Variants in TRAF6 observed in about 807,000 individuals in gnomAD.
TRAF6 encodes the protein TNF receptor-associated factor 6.
TRAF6 carries 10 observed loss-of-function variants against 48.4 expected under a neutral mutation model. The observed-to-expected ratio is 0.21, with a 90% confidence interval of 0.13 to 0.35. TRAF6 has a LOEUF of 0.35. Ranked by LOEUF, TRAF6 falls within the 10% of genes least tolerant of loss-of-function variation. TRAF6 has a pLI of 1.00. For missense variants in TRAF6, 397 were observed against 661.0 expected (o/e 0.60, Z 4.38); for synonymous variants, 186 against 219.6 (o/e 0.85, Z 1.35).
rs150054993 is a variant in TRAF6, at chr11:36,489,520, C to G, written c.*318G>C. 178 of 290,786 alleles carry G rather than the reference C, an allele frequency of 6.1e-4. 1 individual carries two copies. Among genetic ancestry groups the G allele is most frequent in the African/African-American group, 3.7e-3 (171 of 46,290 alleles). The allele number at this position is 290,786 out of a possible 1,614,324, so 18.0% of individuals were successfully genotyped here. On this transcript the variant is annotated 3_prime_UTR_variant, in exon 7 of 7. Coordinates refer to ENST00000526995, the MANE Select transcript of TRAF6 (RefSeq NM_004620.4). ...TTTAGTACTCTTGAGTCTGGACTTTCTGACAATAAAATACACCAGAGCAAA... is the reference window on the plus strand; with the variant it reads ...TTTAGTACTCTTGAGTCTGGACTTTGTGACAATAAAATACACCAGAGCAAA...
chr11:36,504,390 T>C (rs1179782574), intron 1 of TRAF6, among the ~76,000 whole-genome samples: 1 of 152,158 alleles, frequency 6.6e-6, no homozygotes, highest in Admixed American at 6.5e-5. Context: ...TCACCAGGAG[T>C]TGATTCCATC....
At chr11:36,499,572 C>A (rs774082927) in intron 2 of TRAF6, among the ~76,000 whole-genome samples, 1 of 152,088 alleles carries the variant, frequency 6.6e-6, no homozygotes, top group Non-Finnish European at 1.5e-5. Flanking sequence ...GCACTTCAGC[C>A]TGGGAGACAG....
chr11:36,504,980 T>C (rs541732954), intron 1 of TRAF6, among the ~76,000 whole-genome samples: 4 of 152,322 alleles, frequency 2.6e-5, no homozygotes, highest in African/African-American at 4.8e-5. Flanking sequence ...GCTTAAAATA[T>C]TCAGTAAACT....
At chr11:36,495,432 G>A (rs113244520) in intron 4 of TRAF6, among the ~76,000 whole-genome samples, 296 of 152,284 alleles carry the variant, frequency 1.9e-3, no homozygotes, top group African/African-American at 6.9e-3. Flanking sequence ...TTTCTTGTCA[G>A]TAGAGTTAAA....
Position 36,486,143 on chromosome 11 carries a change from G to C in TRAF6, c.*3695C>G, listed in dbSNP as rs1319568191. The stretch of plus-strand genomic sequence containing the variant: ...CAACCTGTGCTTCCCGGGTTCAAGC[G>C]ATTCCCGTGCCTCAGCCTCCCAAGA... On this transcript the variant is annotated 3_prime_UTR_variant, in exon 7 of 7. Coordinates refer to ENST00000526995, the MANE Select transcript of TRAF6 (RefSeq NM_004620.4). Among the ~76,000 whole-genome samples the C allele has an allele frequency of 6.6e-6, 1 of 152,200 alleles. No homozygotes were observed. Among genetic ancestry groups the C allele is most frequent in the South Asian group, 2.1e-4 (1 of 4,820 alleles).
In TRAF6 at chr11:36,485,241, T is replaced by C. The variant is rs1365012786; in HGVS notation, c.*4597A>G. Among the ~76,000 whole-genome samples the C allele has an allele frequency of 6.6e-6, 1 of 152,146 alleles. No individual in the cohort carries two copies. The highest frequency in any genetic ancestry group is 2.4e-5 in the African/African-American group (1 of 41,392). On this transcript the variant is annotated 3_prime_UTR_variant, in exon 7 of 7. Coordinates refer to ENST00000526995, the MANE Select transcript of TRAF6 (RefSeq NM_004620.4). ...AAAAAGTAACATCTGCGCCTTACCA[T>C]CTAAAATTTACATGACAAGGTACCA...
intron 4 of TRAF6, among the ~76,000 whole-genome samples, chr11:36,496,872 A>G (rs1008239985): frequency 1.3e-5 from 2 of 152,210 alleles, no homozygotes; most frequent in Admixed American, 6.5e-5. Context: ...CATATCTACA[A>G]TAGTGATAAC....
rs1244598898 is a variant in TRAF6, at chr11:36,485,254, T to C, written c.*4584A>G. On this transcript the variant is annotated 3_prime_UTR_variant, in exon 7 of 7. Coordinates refer to ENST00000526995, the MANE Select transcript of TRAF6 (RefSeq NM_004620.4). ...TGCGCCTTACCATCTAAAATTTACA[T>C]GACAAGGTACCAGAAATTGGTCAGC... 6.6e-6 allele frequency among the ~76,000 whole-genome samples: 1 copy of C among 152,154 alleles called. No individual in the cohort carries two copies. Among genetic ancestry groups the C allele is most frequent in the Non-Finnish European group, 1.5e-5 (1 of 68,036 alleles).
chr11:36,509,244 T>C (rs748308890), intron 1 of TRAF6, among the ~76,000 whole-genome samples: 3 of 152,356 alleles, frequency 2.0e-5, no homozygotes, highest in East Asian at 1.9e-4. Flanking sequence ...TTAAATACCA[T>C]ACAGCGAAGC....
At chr11:36,508,945 T>C (rs1010529012) in intron 1 of TRAF6, among the ~76,000 whole-genome samples, 18 of 152,188 alleles carry the variant, frequency 1.2e-4, no homozygotes, top group Non-Finnish European at 1.5e-4. Flanking sequence ...AATTCTGAAA[T>C]ATTGTGGTGC....
chr11:36,493,565 A>T (rs1859590989), intron 5 of TRAF6, among the ~76,000 whole-genome samples: 1 of 152,242 alleles, frequency 6.6e-6, no homozygotes, highest in Non-Finnish European at 1.5e-5. Context: ...AGAGAGACAG[A>T]TCTAGCTGGC....
Position 36,484,348 on chromosome 11 carries a change from A to G in TRAF6, c.*5490T>C, listed in dbSNP as rs1466490095. 6.6e-6 allele frequency among the ~76,000 whole-genome samples: 1 copy of G among 152,202 alleles called. No individual in the cohort carries two copies. Among genetic ancestry groups the G allele is most frequent in the Admixed American group, 6.5e-5 (1 of 15,280 alleles). On this transcript the variant is annotated 3_prime_UTR_variant, in exon 7 of 7. Transcript: ENST00000526995. ...ATTCACTCCCTCTCATAAAGGATGCATTTTCAGAGTCCAGATGGATTAGGA... is the reference window on the plus strand; with the variant it reads ...ATTCACTCCCTCTCATAAAGGATGCGTTTTCAGAGTCCAGATGGATTAGGA...
rs2133659077 is a variant in TRAF6, at chr11:36,485,198, G to T, written c.*4640C>A. Among the ~76,000 whole-genome samples the T allele has an allele frequency of 6.6e-6, 1 of 152,216 alleles. No homozygotes were observed. The highest frequency in any genetic ancestry group is 2.1e-4 in the South Asian group (1 of 4,828). Reference sequence around the variant, plus strand: ...GCATGTTTGGGAAATTTCATCAAGTGCTGAAGAAAAAAAGCAAAAAAAGTA... The same window carrying T: ...GCATGTTTGGGAAATTTCATCAAGTTCTGAAGAAAAAAAGCAAAAAAAGTA... On this transcript the variant is annotated 3_prime_UTR_variant, in exon 7 of 7. Coordinates refer to ENST00000526995, the MANE Select transcript of TRAF6 (RefSeq NM_004620.4).
chr11:36,506,988 C>A (rs1859793846), intron 1 of TRAF6, among the ~76,000 whole-genome samples: 1 of 151,712 alleles, frequency 6.6e-6, no homozygotes, highest in African/African-American at 2.4e-5. Flanking sequence ...GTTTTAAGAA[C>A]TGCAATGACT....
chr11:36,506,428 T>A (rs1209781382), intron 1 of TRAF6, among the ~76,000 whole-genome samples: 1 of 152,202 alleles, frequency 6.6e-6, no homozygotes, highest in Non-Finnish European at 1.5e-5. Context: ...CCATTTTTTT[T>A]TTAAGTAAAA....
Position 36,490,760 on chromosome 11 carries a change from A to G in TRAF6, c.757-110T>C, listed in dbSNP as rs964164661. 1 of 920,622 alleles carries G rather than the reference A, an allele frequency of 1.1e-6. No homozygotes were observed. Among genetic ancestry groups the G allele is most frequent in the Non-Finnish European group, 1.6e-6 (1 of 622,976 alleles). The allele number at this position is 920,622 out of a possible 1,614,324, so 57.0% of individuals were successfully genotyped here. On this transcript the variant is annotated intron_variant, in intron 6 of 6. Transcript: ENST00000526995. The surrounding 1 kb of genome is among the most constrained non-coding windows in gnomAD (Gnocchi z 6.4). ...TCAAGTAGTCACACCACTTCCCTCAATTCTCTACAATTTTCCTTTGCCTTC... is the reference window on the plus strand; with the variant it reads ...TCAAGTAGTCACACCACTTCCCTCAGTTCTCTACAATTTTCCTTTGCCTTC...
rs760268318 is a variant in TRAF6 at position 36,498,470 on chromosome 11, C to G, written c.447+20G>C. On this transcript the variant is annotated intron_variant, in intron 3 of 6. Coordinates refer to ENST00000526995, the MANE Select transcript of TRAF6 (RefSeq NM_004620.4). ...CTTCCTTTTATACATGTGCTAACAG[C>G]TAGAAAAGAACTTTAATACCTCAAG... is the stretch of plus-strand genomic sequence containing the variant. The G allele has an allele frequency of 1.9e-6, 3 of 1,599,078 alleles. No individual in the cohort carries two copies. The highest frequency in any genetic ancestry group is 2.6e-6 in the Non-Finnish European group (3 of 1,174,796).
At chr11:36,508,182 T>TAA (rs1219683317) in intron 1 of TRAF6, among the ~76,000 whole-genome samples, 1 of 152,096 alleles carries the variant, frequency 6.6e-6, no homozygotes, top group African/African-American at 2.4e-5. Context: ...CTAGTATACT[T>TAA]ACGTGGCTTT....
Position 36,489,632 on chromosome 11 carries a change from GA to G in TRAF6, c.*205del, listed in dbSNP as rs1221693307. ...CAGGCACTTCAGGCCTAACATTTCT[GA>G]AAAAGCATGGAACGTGTGGATTCCC... On this transcript the variant is annotated 3_prime_UTR_variant, in exon 7 of 7. Transcript: ENST00000526995. 7 of 611,254 alleles carry G rather than the reference GA, an allele frequency of 1.1e-5. No homozygotes were observed. Among genetic ancestry groups the G allele is most frequent in the Admixed American group, 6.3e-5 (2 of 31,772 alleles). The allele number at this position is 611,254 out of a possible 1,614,324, so 37.9% of individuals were successfully genotyped here. A position where few individuals can be genotyped will look rare whatever the true frequency, so the allele number is the denominator to read the frequency against.
Sources: gnomAD v4.1 joint callset for allele counts (sites outside exome capture counted in the v4.1 genomes callset) on GRCh38, gnomAD v4.1.1 for gene constraint, Gnocchi (gnomAD v3.1) non-coding constraint, MANE v1.5 for transcripts, NCBI Gene and HGNC (gene_info 2026-07-23, HGNC 2026-07-21) for gene names.